POM121: variants seen among roughly 807,000 people sequenced by gnomAD.
The protein encoded by POM121 is POM121 transmembrane nucleoporin, also known as nuclear envelope pore membrane protein POM 121.
A neutral mutation model predicts 81.3 loss-of-function variants in POM121; 32 were observed. The observed-to-expected ratio is 0.39, with a 90% CI of 0.30 to 0.53. The LOEUF is 0.53. Ranked by LOEUF, POM121 falls within the 20% of genes least tolerant of loss-of-function variation. POM121 has a pLI of 0.66. For synonymous variants in POM121, 514 were observed against 694.2 expected, an observed-to-expected ratio of 0.74 and a Z score of 4.08; for missense variants, 1,138 against 1,614.6, an observed-to-expected ratio of 0.70 and a Z score of 5.06.
At chr7:72,903,664 C>T (rs1362313694) in intron 3 of POM121, among the ~76,000 whole-genome samples, 8 of 152,218 alleles carry the variant, frequency 5.3e-5, no homozygotes, top group Non-Finnish European at 1.2e-4. Context: ...TCCTTGAATG[C>T]CAGGAGCCAA....
chr7:72,897,054 T>A (rs1301463777), intron 3 of POM121, among the ~76,000 whole-genome samples: 1 of 151,830 alleles, frequency 6.6e-6, no homozygotes, highest in Non-Finnish European at 1.5e-5. Context: ...AATACAAAAA[T>A]TAGCCAGAAA....
intron 3 of POM121, among the ~76,000 whole-genome samples, chr7:72,897,890 G>A (rs376771040): frequency 4.4e-4 from 67 of 152,228 alleles, no homozygotes; most frequent in East Asian, 7.7e-4. Flanking sequence ...TTGGTGGTGC[G>A]TGCCTGTAGT....
chr7:72,892,734 C>G (rs554607507), intron 3 of POM121, among the ~76,000 whole-genome samples: 1 of 150,412 alleles, frequency 6.6e-6, no homozygotes, highest in Non-Finnish European at 1.5e-5. Context: ...GGCATGATCT[C>G]GGCTCACTGC....
At chr7:72,913,523 C>T (rs1554494602) in intron 3 of POM121, among the ~76,000 whole-genome samples, 2 of 152,184 alleles carry the variant, frequency 1.3e-5, no homozygotes, top group Non-Finnish European at 2.9e-5. Flanking sequence ...GGATTGGCTG[C>T]CATTGTCCTG....
At chr7:72,879,866 G>A (rs1789953594) in exon 1 of POM121, 3 of 513,678 alleles carry the variant, frequency 5.8e-6, no homozygotes, top group African/African-American at 1.9e-5. Flanking sequence ...GTGGGGCAGA[G>A]GCTGCAGAGC....
chr7:72,933,221 G>A (rs546000827), intron 5 of POM121, among the ~76,000 whole-genome samples: 2 of 152,218 alleles, frequency 1.3e-5, no homozygotes, highest in Admixed American at 6.5e-5. Flanking sequence ...AGGCGTGGTC[G>A]TGTGTGCCTG....
exon 1 of POM121, chr7:72,879,633 C>T (rs1256625418): frequency 2.8e-6 from 1 of 351,508 alleles, no homozygotes; most frequent in East Asian, 1.0e-4. Context: ...GGACCTGGGC[C>T]TGGCCCGTGT....
intron 3 of POM121, among the ~76,000 whole-genome samples, chr7:72,909,641 C>A (rs1554493940): frequency 6.6e-6 from 1 of 152,076 alleles, no homozygotes; most frequent in African/African-American, 2.4e-5. Flanking sequence ...AACCCAGAGG[C>A]CAATTTGTTT....
At chr7:72,939,435 G>A in intron 7 of POM121, 26 bp downstream of exon 7, 1 of 1,613,220 alleles carries the variant, frequency 6.2e-7, no homozygotes, top group Non-Finnish European at 8.5e-7. Flanking sequence ...AGGAGGAGGG[G>A]CTGCTGTTGG....
At chr7:72,948,306 G>A (rs1183509764), downstream of POM121, 31 of 1,595,244 alleles carry the variant, frequency 1.9e-5, 1 homozygote, top group Middle Eastern at 1.7e-4. Context: ...CGTAGAGTAC[G>A]TTCTGCATTT....
At chr7:72,900,867 A>C (rs530487562) in intron 3 of POM121, among the ~76,000 whole-genome samples, 1 of 145,158 alleles carries the variant, frequency 6.9e-6, no homozygotes, top group East Asian at 2.0e-4. Context: ...CTCTTTTTCT[A>C]GTTTCTTAAA....
At chr7:72,911,890 A>G (rs1456407404) in intron 3 of POM121, among the ~76,000 whole-genome samples, 1 of 152,236 alleles carries the variant, frequency 6.6e-6, no homozygotes, top group Non-Finnish European at 1.5e-5. Context: ...CTGTTTATAA[A>G]TGAACTTTCT....
downstream of POM121, chr7:72,949,048 C>T (rs782690960): frequency 8.8e-5 from 142 of 1,613,432 alleles, 2 homozygotes; most frequent in Admixed American, 1.4e-3. Flanking sequence ...GGCATGCAGA[C>T]GCACCGGGCT....
chr7:72,881,088 T>A (rs1554489225), intron 1 of POM121, among the ~76,000 whole-genome samples: 1 of 121,348 alleles, frequency 8.2e-6, no homozygotes, highest in African/African-American at 2.9e-5. Context: ...TTTTTTTTTT[T>A]GAGACAGTGT....
Position 72,909,936 on chromosome 7 carries a change from T to A in POM121, c.-215-3829T>A, listed in dbSNP as rs190699923. Among the ~76,000 whole-genome samples, 292 of 152,374 alleles carry A rather than the reference T, an allele frequency of 1.9e-3. 2 individuals carry two copies. The highest frequency in any genetic ancestry group is 4.7e-3 in the African/African-American group (195 of 41,602). On this transcript the variant is annotated intron_variant, in intron 3 of 15. Transcript: ENST00000395270. Reference sequence around the variant, plus strand: ...TGTTGGGATTACAGGCATGAGCCACTGCACCCAGCCCTGGAGGCCAGTTTG... The same window carrying A: ...TGTTGGGATTACAGGCATGAGCCACAGCACCCAGCCCTGGAGGCCAGTTTG...
chr7:72,948,823 G>T (rs370017016), downstream of POM121: 566 of 1,528,744 alleles, frequency 3.7e-4, 13 homozygotes, highest in African/African-American at 7.4e-3. Context: ...AAGAGAAACA[G>T]CCCCAATGCT....
downstream of POM121, chr7:72,949,814 C>T (rs372750426): frequency 7.2e-6 from 9 of 1,255,182 alleles, no homozygotes; most frequent in Admixed American, 1.0e-4. Context: ...AAATCAAACC[C>T]CATGTCCTCC....
intron 4 of POM121, among the ~76,000 whole-genome samples, chr7:72,918,004 T>C (rs9647777): frequency 0.94 from 142,984 of 152,142 alleles, 67,298 homozygotes; most frequent in African/African-American, 0.99. Flanking sequence ...AAGAGAAAGA[T>C]AGCTTACGCC....
chr7:72,930,580 T>C (rs1420829583), intron 5 of POM121, among the ~76,000 whole-genome samples: 1 of 152,156 alleles, frequency 6.6e-6, no homozygotes, highest in African/African-American at 2.4e-5. Context: ...ATTTATCTTA[T>C]AGGCGTTTAG....
Sources: gnomAD v4.1 joint callset for allele counts (sites outside exome capture counted in the v4.1 genomes callset) on GRCh38, gnomAD v4.1.1 for gene constraint, MANE v1.5 for transcripts, NCBI Gene and HGNC (gene_info 2026-07-23, HGNC 2026-07-21) for gene names.